Variants in ARHGEF25 observed in about 807,000 individuals in gnomAD.
ARHGEF25 encodes RAC/CDC42 exchange factor.
Under a neutral mutation model 74.0 loss-of-function variants are expected in ARHGEF25, and 42 were observed. The observed-to-expected ratio is 0.57, with a 90% CI of 0.44 to 0.73. ARHGEF25 has a LOEUF of 0.73. ARHGEF25 is among the 30% of genes least tolerant of loss of function. ARHGEF25 has a pLI of 0.00. For missense variants in ARHGEF25, 645 were observed against 725.5 expected, an observed-to-expected ratio of 0.89 and a Z score of 1.27; for synonymous variants, 293 against 278.6, an observed-to-expected ratio of 1.05 and a Z score of -0.51.
chr12:57,615,352 C>A, intron 11 of ARHGEF25, 38 bp downstream of exon 11: 1 of 1,587,400 alleles, frequency 6.3e-7, no homozygotes. Context: ...GCCCGATGCT[C>A]TTCTGCCCCA....
At chr12:57,612,867 T>C in intron 1 of ARHGEF25, 63 bp from the exon 2 acceptor site, 1 of 1,569,558 alleles carries the variant, frequency 6.4e-7, no homozygotes, top group Non-Finnish European at 8.7e-7. Flanking sequence ...GGGAGTTCCC[T>C]GGGGACCCTG....
Position 57,616,320 on chromosome 12 carries a change from G to A in ARHGEF25, c.1457G>A (p.Ser486Asn). ...CCCATTGAGTACCAGAGACGGGAGA[G>A]CCAGACCAACAGCCTGGGGCGGCCA... ...QSPIEYQRRE[S>N]QTNSLGRPRG... The change falls in exon 14 of 15, where the codon AGC becomes AAC. Residue 486 changes from serine to asparagine, a missense_variant. Physicochemically the swap from Ser to Asn is conservative, Grantham distance 46. Transcript: ENST00000286494. The A allele has an allele frequency of 6.2e-7, 1 of 1,613,554 alleles. No individual in the cohort carries two copies. The highest frequency in any genetic ancestry group is 8.5e-7 in the Non-Finnish European group (1 of 1,179,938).
chr12:57,613,770 T>A lies in ARHGEF25; in HGVS notation c.552+10T>A. Reference sequence around the variant, plus strand: ...GGGGCAGATTGTGGAGGTAGCTCCCTTTACCCCTTCCCAGCCCCTCCTGCC... The same window carrying A: ...GGGGCAGATTGTGGAGGTAGCTCCCATTACCCCTTCCCAGCCCCTCCTGCC... On this transcript the variant is annotated intron_variant, in intron 5 of 14. Coordinates refer to ENST00000286494, the MANE Select transcript of ARHGEF25 (RefSeq NM_182947.4). 1 of 1,613,596 alleles carries A rather than the reference T, an allele frequency of 6.2e-7. No individual in the cohort carries two copies. The highest frequency in any genetic ancestry group is 8.5e-7 in the Non-Finnish European group (1 of 1,179,736).
Position 57,616,873 on chromosome 12 carries a change from G to T in ARHGEF25, c.1722G>T (p.Lys574Asn), listed in dbSNP as rs777034041. Residue 574 changes from lysine (K) to asparagine (N), a missense_variant, in exon 15 of 15, where the codon AAG (lysine) becomes AAT (asparagine). Physicochemically the swap from Lys to Asn is moderately conservative, Grantham distance 94 (BLOSUM62 0). This residue lies in a region of ARHGEF25 where 262 missense variants were observed against 256.9 expected (regional missense o/e 1.02). Coordinates refer to ENST00000286494, the MANE Select transcript of ARHGEF25 (RefSeq NM_182947.4). ...CTCCCTGCCAAGCCAGACTTGCCAA[G>T]CTGGATGAAGATGAGCTGTAACTGG... is the stretch of plus-strand genomic sequence containing the variant. ...KTPPCQARLA[K>N]LDEDEL 2 of 1,613,996 alleles carry T rather than the reference G, an allele frequency of 1.2e-6. No homozygotes were observed. Among genetic ancestry groups the T allele is most frequent in the Non-Finnish European group, 1.7e-6 (2 of 1,179,920 alleles).
At chr12:57,613,657 A>G in intron 4 of ARHGEF25, 37 bp from the exon 5 acceptor site, 4 of 1,613,104 alleles carry the variant, frequency 2.5e-6, no homozygotes, top group Non-Finnish European at 3.4e-6. Flanking sequence ...ATGAGCTCCG[A>G]CGCTGAAGTG....
At chr12:57,613,540 G>C (rs762284398) in intron 4 of ARHGEF25, 24 bp downstream of exon 4, 6 of 1,613,866 alleles carry the variant, frequency 3.7e-6, no homozygotes, top group Non-Finnish European at 5.1e-6. Context: ...GCCCTTCCCT[G>C]CAGTTGCACA....
chr12:57,612,917 T>G lies in ARHGEF25; in HGVS notation c.98-13T>G. ...GCAAGGTCTATCACCTCCTCTCTTT[T>G]TCCTCCCATTAGAATCCTATTCCAT... is the stretch of plus-strand genomic sequence containing the variant. On this transcript the variant is annotated splice_polypyrimidine_tract_variant and intron_variant, in intron 1 of 14. Transcript: ENST00000286494. 6.2e-7 allele frequency: 1 copy of G among 1,610,698 alleles called. No individual in the cohort carries two copies. The highest frequency in any genetic ancestry group is 8.5e-7 in the Non-Finnish European group (1 of 1,177,394).
chr12:57,615,684 C>T lies in ARHGEF25; in HGVS notation c.1211C>T (p.Pro404Leu). 1 of 1,614,094 alleles carries T rather than the reference C, an allele frequency of 6.2e-7. No individual in the cohort carries two copies. The highest frequency in any genetic ancestry group is 8.5e-7 in the Non-Finnish European group (1 of 1,180,026). ...GGAGGAGTGAGAGGTGGAACACAGC[C>T]TGGATATGTATACAAGAACAGCATT... ...LGGGVRGGTQ[P>L]GYVYKNSIKV... Residue 404 changes from proline (P) to leucine (L), a missense_variant, in exon 12 of 15, where the codon CCT becomes CTT. Physicochemically the swap from Pro to Leu is moderately conservative, Grantham distance 98 (BLOSUM62 -3). Transcript: ENST00000286494.
upstream of ARHGEF25, among the ~76,000 whole-genome samples, chr12:57,611,201 G>A (rs1336013003): frequency 6.6e-6 from 1 of 152,216 alleles, no homozygotes; most frequent in Non-Finnish European, 1.5e-5. The surrounding 1 kb of genome is among the most constrained non-coding windows in gnomAD (Gnocchi z 4.5). Flanking sequence ...GCTGAACCCC[G>A]ACCCCAGCGC....
rs1228765575 is a variant in ARHGEF25, at chr12:57,616,273, C to T, written c.1421-11C>T. On this transcript the variant is annotated splice_polypyrimidine_tract_variant and intron_variant, in intron 13 of 14. Coordinates refer to ENST00000286494, the MANE Select transcript of ARHGEF25 (RefSeq NM_182947.4). The stretch of plus-strand genomic sequence containing the variant: ...GCGGTAACCCTCCTTCTGTTCCTCT[C>T]TTTGCTCCAGCATTGCAGTCACCCA... 2 of 1,606,464 alleles carry T rather than the reference C, an allele frequency of 1.2e-6. No individual in the cohort carries two copies. The highest frequency in any genetic ancestry group is 1.7e-6 in the Non-Finnish European group (2 of 1,177,458).
In ARHGEF25 at chr12:57,616,467, C is replaced by A. The variant is rs748125313; in HGVS notation, c.1604C>A (p.Ala535Asp). 2 of 1,614,104 alleles carry A rather than the reference C, an allele frequency of 1.2e-6. 1 individual carries two copies. The highest frequency in any genetic ancestry group is 2.2e-5 in the South Asian group (2 of 91,074). ...SLLLSPKGEVARALLPLDKQA... is the reference protein window; with the variant it reads ...SLLLSPKGEVDRALLPLDKQA... ...CTGCTGTCACCCAAAGGGGAGGTGG[C>A]CAGAGCCCTCTTGCCACTGGATAAA... The change falls in exon 14 of 15, where the codon GCC (alanine) becomes GAC (aspartate). Residue 535 changes from alanine (A) to aspartate (D), a missense_variant. Transcript: ENST00000286494.
At chr12:57,610,755 A>G (rs2140217946), upstream of ARHGEF25, 1 of 1,291,976 alleles carries the variant, frequency 7.7e-7, no homozygotes, top group East Asian at 2.5e-5. Context: ...AAAATATTCT[A>G]TTCTTATTAG....
chr12:57,614,046 G>T lies in ARHGEF25; in HGVS notation c.583G>T (p.Val195Phe). 1 of 1,614,084 alleles carries T rather than the reference G, an allele frequency of 6.2e-7. No individual in the cohort carries two copies. The highest frequency in any genetic ancestry group is 8.5e-7 in the Non-Finnish European group (1 of 1,180,002). The change falls in exon 6 of 15, where the codon GTC becomes TTC. Residue 195 changes from valine (V) to phenylalanine (F), a missense_variant. Physicochemically the swap from Val to Phe is conservative, Grantham distance 50 (BLOSUM62 -1). Around this residue, in one of 3 missense-constraint regions of ARHGEF25, gnomAD observed 194 missense variants for 269.4 expected, o/e 0.72. Transcript: ENST00000286494. This position sits in a 1 kb window ranked among gnomAD's most constrained non-coding sequence, Gnocchi z 4.6. ...TATGGCCACCATGGCTGCTCAGGGG[G>T]TCCCCGAGAGTCTTCGAGGCCGTGA... ...GYMATMAAQG[V>F]PESLRGRDRI...
upstream of ARHGEF25, chr12:57,610,142 C>T (rs1012759150): frequency 3.9e-6 from 3 of 778,950 alleles, no homozygotes; most frequent in South Asian, 3.5e-5. Flanking sequence ...ACTCCCCGGA[C>T]GCGCGCAGGC....
chr12:57,613,429 T>G lies in ARHGEF25; in HGVS notation c.409-11T>G, dbSNP rs1339134845. On this transcript the variant is annotated splice_polypyrimidine_tract_variant and intron_variant, in intron 3 of 14. Coordinates refer to ENST00000286494, the MANE Select transcript of ARHGEF25 (RefSeq NM_182947.4). ...TTCGTTTGCTCACCCTAGGATGTTC[T>G]TTCCTTCCAGCCACCTGAAGAGGAG... 1 of 1,614,068 alleles carries G rather than the reference T, an allele frequency of 6.2e-7. No homozygotes were observed.
At position 57,614,548 on chromosome 12, in the gene ARHGEF25, T is replaced by C. The variant is rs1212454857; in HGVS notation, c.759T>C (p.Cys253=). The change falls in exon 8 of 15, where the codon TGT becomes TGC. Residue 253 remains cysteine, a synonymous_variant. Coordinates refer to ENST00000286494, the MANE Select transcript of ARHGEF25 (RefSeq NM_182947.4). This position sits in a 1 kb window ranked among gnomAD's most constrained non-coding sequence, Gnocchi z 4.6. ...GGCTGCATATGTATGTGGTGTACTG[T>C]CAGAATAAGCCCAAGTCAGAGCATG... The part of the protein sequence containing the change: ...ERRLHMYVVY[C]QNKPKSEHVV... The C allele has an allele frequency of 6.2e-7, 1 of 1,613,900 alleles. No individual in the cohort carries two copies. Among genetic ancestry groups the C allele is most frequent in the Non-Finnish European group, 8.5e-7 (1 of 1,180,000 alleles).
intron 1 of ARHGEF25, 139 bp from the exon 2 acceptor site, chr12:57,612,791 C>G: frequency 6.7e-7 from 1 of 1,493,646 alleles, no homozygotes; most frequent in East Asian, 2.3e-5. Flanking sequence ...CTGGCCAACT[C>G]AAATGAGGAT....
chr12:57,612,365 A>G (rs1884089980), intron 1 of ARHGEF25: 1 of 161,208 alleles, frequency 6.2e-6, no homozygotes, highest in South Asian at 2.0e-4. Flanking sequence ...TTTATAAGGA[A>G]TCACAGCTCT....
chr12:57,611,769 C>A lies in ARHGEF25; in HGVS notation c.-126C>A, dbSNP rs375105035. 1.4e-4 allele frequency: 161 copies of A among 1,148,116 alleles called. No individual in the cohort carries two copies. In the African/African-American group the frequency reaches 1.7e-3, roughly 12 times the overall value. The allele number at this position is 1,148,116 out of a possible 1,614,324, so 71.1% of individuals were successfully genotyped here. A position where few individuals can be genotyped will look rare whatever the true frequency, so the allele number is the denominator to read the frequency against. The stretch of plus-strand genomic sequence containing the variant: ...CTCCTCCCGGTCCCCTCCCTCCCCC[C>A]CTCCCACAGCCTGGACCGGGGTAGG... On this transcript the variant is annotated 5_prime_UTR_variant, in exon 1 of 15. Coordinates refer to ENST00000286494, the MANE Select transcript of ARHGEF25 (RefSeq NM_182947.4). This position sits in a 1 kb window ranked among gnomAD's most constrained non-coding sequence, Gnocchi z 4.5.
Sources: allele counts gnomAD v4.1 joint callset (sites outside exome capture counted in the v4.1 genomes callset), GRCh38; gene constraint gnomAD v4.1.1; regional missense constraint gnomAD v4.1.1; non-coding constraint Gnocchi (gnomAD v3.1); transcripts MANE v1.5; gene names NCBI Gene and HGNC (gene_info 2026-07-23, HGNC 2026-07-21).